COX10: variants seen among roughly 807,000 people sequenced by gnomAD.
COX10 encodes the protein protoheme IX farnesyltransferase, mitochondrial.
In COX10, 27 loss-of-function variants were observed where a neutral mutation model predicts 37.3. That is an observed-to-expected ratio of 0.72 (90% CI 0.53 to 1.00). COX10 has a LOEUF of 1.00. COX10 is among the 50% of genes least tolerant of loss of function. The pLI, the probability that COX10 is intolerant of heterozygous loss-of-function variation, is 0.00. For synonymous variants in COX10, 222 were observed against 229.1 expected, an observed-to-expected ratio of 0.97 and a Z score of 0.28; for missense variants, 475 against 563.2, an observed-to-expected ratio of 0.84 and a Z score of 1.59.
chr17:14,133,738 A>C (rs1187254460), intron 4 of COX10, among the ~76,000 whole-genome samples: 1 of 151,622 alleles, frequency 6.6e-6, no homozygotes, highest in Non-Finnish European at 1.5e-5. Flanking sequence ...ATGATGAAAA[A>C]AATGACTAAT....
intron 5 of COX10, among the ~76,000 whole-genome samples, chr17:14,160,741 GTT>G (rs2142240261): frequency 6.6e-6 from 1 of 152,208 alleles, no homozygotes; most frequent in South Asian, 2.1e-4. Flanking sequence ...ATATTAGCTG[GTT>G]TTAGACATTT....
intron 6 of COX10, among the ~76,000 whole-genome samples, chr17:14,205,042 G>C (rs1244125867): frequency 6.6e-6 from 1 of 152,176 alleles, no homozygotes; most frequent in Non-Finnish European, 1.5e-5. Flanking sequence ...AAGAGATCGA[G>C]GCTGCAGTGA....
chr17:14,149,519 G>A (rs897947531), intron 4 of COX10, among the ~76,000 whole-genome samples: 13 of 152,102 alleles, frequency 8.5e-5, no homozygotes, highest in South Asian at 2.1e-4. Context: ...CACCCTCCCC[G>A]TGCTCACAGG....
intron 5 of COX10, among the ~76,000 whole-genome samples, chr17:14,163,251 T>G (rs796633730): frequency 5.3e-5 from 8 of 151,108 alleles, no homozygotes; most frequent in South Asian, 2.1e-4. Context: ...ATTTATTTAT[T>G]TATTTATTTA....
At chr17:14,131,127 C>T (rs1916454983) in intron 4 of COX10, among the ~76,000 whole-genome samples, 1 of 152,080 alleles carries the variant, frequency 6.6e-6, no homozygotes, top group African/African-American at 2.4e-5. Context: ...GAATGACCAG[C>T]TCATTGATTT....
intron 4 of COX10, among the ~76,000 whole-genome samples, chr17:14,125,184 C>T (rs1017074352): frequency 3.3e-5 from 5 of 152,194 alleles, no homozygotes; most frequent in African/African-American, 2.4e-5. Flanking sequence ...CTAGTTGAAA[C>T]GTTTCATGGA....
At chr17:14,071,057 A>T (rs796829366) in intron 1 of COX10, among the ~76,000 whole-genome samples, 2 of 152,094 alleles carry the variant, frequency 1.3e-5, no homozygotes, top group South Asian at 4.1e-4. Context: ...TTCTTTTTTG[A>T]ATCACTTCTT....
chr17:14,098,261 T>G (rs139750395), intron 3 of COX10, among the ~76,000 whole-genome samples: 1 of 152,186 alleles, frequency 6.6e-6, no homozygotes. Flanking sequence ...TTACTTAGTT[T>G]GATTTTAAGA....
rs185623164 is a variant in COX10 at position 14,085,467 on chromosome 17, A to G, written c.499+8411A>G. On this transcript the variant is annotated intron_variant, in intron 3 of 6. Transcript: ENST00000261643. ...TTGAACCATTTCCTTGTTAATGGACATTTAAGTAGTCTCTTACTTCTTGCT... is the reference window on the plus strand; with the variant it reads ...TTGAACCATTTCCTTGTTAATGGACGTTTAAGTAGTCTCTTACTTCTTGCT... Among the ~76,000 whole-genome samples the G allele has an allele frequency of 4.1e-3, 625 of 152,228 alleles. 1 individual carries two copies. The highest frequency in any genetic ancestry group is 6.9e-3 in the Non-Finnish European group (468 of 68,006).
At chr17:14,095,842 G>A (rs1270520399) in intron 3 of COX10, among the ~76,000 whole-genome samples, 1 of 152,170 alleles carries the variant, frequency 6.6e-6, no homozygotes, top group Non-Finnish European at 1.5e-5. Flanking sequence ...TGTAGTGCTT[G>A]CTTTGCCCTT....
At chr17:14,186,663 A>C (rs1906037576) in intron 5 of COX10, among the ~76,000 whole-genome samples, 1 of 151,580 alleles carries the variant, frequency 6.6e-6, no homozygotes, top group South Asian at 2.1e-4. Flanking sequence ...GATTTCAGGG[A>C]ATGCAGTATT....
intron 4 of COX10, among the ~76,000 whole-genome samples, chr17:14,131,117 G>T (rs918817578): frequency 6.6e-6 from 1 of 152,136 alleles, no homozygotes; most frequent in Admixed American, 6.6e-5. Flanking sequence ...TTATTTAAAT[G>T]AATGACCAGC....
At chr17:14,166,196 C>G (rs1192629466) in intron 5 of COX10, among the ~76,000 whole-genome samples, 1 of 152,180 alleles carries the variant, frequency 6.6e-6, no homozygotes, top group African/African-American at 2.4e-5. Flanking sequence ...GAAGAAGATG[C>G]CATCTAGGAC....
chr17:14,074,666 C>T (rs899009773), intron 2 of COX10, among the ~76,000 whole-genome samples: 4 of 152,098 alleles, frequency 2.6e-5, no homozygotes, highest in African/African-American at 4.8e-5. Flanking sequence ...AAGTATGATC[C>T]TGAACTTATT....
rs953942489 is a variant in COX10 at position 14,207,382 on chromosome 17, G to C, written c.*169G>C. 1.0e-5 allele frequency: 9 copies of C among 863,826 alleles called. No homozygotes were observed. In the African/African-American group the frequency reaches 1.4e-4, roughly 13 times the overall value. The allele number at this position is 863,826 out of a possible 1,614,324, so 53.5% of individuals were successfully genotyped here. ...TTTTTTTTTAAATATTACCCAAAAT[G>C]CTCCCCAAATAAGAAATGCATCAGC... On this transcript the variant is annotated 3_prime_UTR_variant, in exon 7 of 7. Transcript: ENST00000261643.
chr17:14,124,948 C>T (rs932944214), intron 4 of COX10, among the ~76,000 whole-genome samples: 1 of 152,110 alleles, frequency 6.6e-6, no homozygotes, highest in African/African-American at 2.4e-5. Context: ...ATTTCAATCT[C>T]GTTATTTTTT....
At chr17:14,151,916 T>G (rs1490038393) in intron 4 of COX10, among the ~76,000 whole-genome samples, 1 of 152,236 alleles carries the variant, frequency 6.6e-6, no homozygotes, top group Non-Finnish European at 1.5e-5. Flanking sequence ...GCAGGTATGT[T>G]TATTTGCAAT....
rs562555194 is a variant in COX10 at position 14,192,257 on chromosome 17, C to T, written c.928+36C>T. 1.4e-5 allele frequency: 23 copies of T among 1,614,040 alleles called. No individual in the cohort carries two copies. In the East Asian group the frequency reaches 4.7e-4, roughly 33 times the overall value. On this transcript the variant is annotated intron_variant, in intron 6 of 6. Coordinates refer to ENST00000261643, the MANE Select transcript of COX10 (RefSeq NM_001303.4). ...CGCGATGTGGAGTCTCATATGAGCA[C>T]ACTCGGTCAAGGAGGCATTTCCTCC...
Position 14,117,963 on chromosome 17 carries a change from C to T in COX10, c.624+15721C>T, listed in dbSNP as rs114469665. Among the ~76,000 whole-genome samples the T allele has an allele frequency of 8.8e-3, 1,339 of 152,094 alleles. 19 individuals carry two copies. The highest frequency in any genetic ancestry group is 0.03 in the African/African-American group (1,255 of 41,480). ...AAGGGGGATGGAATGGGAAGGTGGT[C>T]GTCTCCCGGAGTCAGGCCGCCCACC... On this transcript the variant is annotated intron_variant, in intron 4 of 6. Transcript: ENST00000261643.
Sources: allele counts gnomAD v4.1 joint callset (sites outside exome capture counted in the v4.1 genomes callset), GRCh38; gene constraint gnomAD v4.1.1; transcripts MANE v1.5; gene names NCBI Gene and HGNC (gene_info 2026-07-23, HGNC 2026-07-21).